Variants in MARCHF1 observed in about 807,000 individuals in gnomAD.
MARCHF1 encodes the protein E3 ubiquitin-protein ligase MARCHF1.
Under a neutral mutation model 54.2 loss-of-function variants are expected in MARCHF1, and 40 were observed. That is an observed-to-expected ratio of 0.74 (90% CI 0.57 to 0.96). The LOEUF is 0.96. MARCHF1 is among the 40% of genes least tolerant of loss of function. The probability of loss-of-function intolerance (pLI) is 0.00; values close to 1 mark genes in which losing one functional copy is unlikely to be tolerated. For synonymous variants in MARCHF1, 236 were observed against 236.3 expected, an observed-to-expected ratio of 1.00 and a Z score of 0.01; for missense variants, 586 against 656.5, an observed-to-expected ratio of 0.89 and a Z score of 1.17.
chr4:164,043,181 T>C (rs192077494), intron 2 of MARCHF1, among the ~76,000 whole-genome samples: 6 of 152,154 alleles, frequency 3.9e-5, no homozygotes, highest in Admixed American at 6.5e-5. Context: ...AGGGAGTCTG[T>C]ATGGGGGCTC....
rs1362982162 is a variant in MARCHF1 at position 164,338,162 on chromosome 4, A to C, written c.-323+45708T>G. On this transcript the variant is annotated intron_variant, in intron 1 of 9. Coordinates refer to ENST00000514618, the MANE Select transcript of MARCHF1 (RefSeq NM_001394959.1). ...AAAAGTGCAGTTTCATATGCAATTAAAATTCTGTTATCACCTAAAACTGTA... is the reference window on the plus strand; with the variant it reads ...AAAAGTGCAGTTTCATATGCAATTACAATTCTGTTATCACCTAAAACTGTA... Among the ~76,000 whole-genome samples, 11 of 152,346 alleles carry C rather than the reference A, an allele frequency of 7.2e-5. No individual in the cohort carries two copies. In the East Asian group the frequency reaches 2.1e-3, roughly 29 times the overall value.
intron 1 of MARCHF1, among the ~76,000 whole-genome samples, chr4:164,136,045 T>C (rs558152439): frequency 9.1e-4 from 139 of 152,086 alleles, no homozygotes; most frequent in Non-Finnish European, 1.8e-3. Flanking sequence ...AAGATACAGT[T>C]ATACACATAT....
chr4:163,832,191 G>A (rs1296740160), intron 4 of MARCHF1, among the ~76,000 whole-genome samples: 1 of 152,150 alleles, frequency 6.6e-6, no homozygotes, highest in Non-Finnish European at 1.5e-5. Context: ...TTCTAATTGG[G>A]GAAAACAGAC....
intron 1 of MARCHF1, among the ~76,000 whole-genome samples, chr4:164,157,955 G>C (rs1730121256): frequency 6.6e-6 from 1 of 152,060 alleles, no homozygotes; most frequent in African/African-American, 2.4e-5. Context: ...TTCCAGCGAT[G>C]GTTTTCCAAT....
chr4:163,539,001 T>TTTTATTTA (rs56805784), intron 9 of MARCHF1, among the ~76,000 whole-genome samples: 1,909 of 149,086 alleles, frequency 0.013, 37 homozygotes, highest in African/African-American at 0.041. Context: ...CTCCTGATGC[T>TTTTATTTA]TTTATTTATT....
Position 164,007,646 on chromosome 4 carries a change from CTGTGTGTGTGTGTGTGTGTG to C in MARCHF1, c.-247-18957_-247-18938del, listed in dbSNP as rs70948688. ...AGAATTTATTTCTCTCTCTCTCTCT[CTGTGTGTGTGTGTGTGTGTG>C]TGTGTGTGTGTGTGTGTGTGTGTTT... On this transcript the variant is annotated intron_variant, in intron 2 of 9. Transcript: ENST00000514618. Among the ~76,000 whole-genome samples the C allele has an allele frequency of 1.2e-3, 169 of 140,014 alleles. 1 individual carries two copies. The highest frequency in any genetic ancestry group is 2.2e-3 in the Non-Finnish European group (144 of 65,294). The allele number at this position is 140,014 out of a possible 152,430, so 91.9% of individuals were successfully genotyped here.
chr4:163,528,074 T>G lies in MARCHF1; in HGVS notation c.*674A>C, dbSNP rs1253586420. On this transcript the variant is annotated 3_prime_UTR_variant, in exon 10 of 10. Transcript: ENST00000514618. ...TTCTGTGGGTATTTAACAGAGCTAA[T>G]TATATCCGAACATTTTCTGAAAATC... 1 of 152,568 alleles carries G rather than the reference T, an allele frequency of 6.6e-6. No homozygotes were observed. Among genetic ancestry groups the G allele is most frequent in the Non-Finnish European group, 1.5e-5 (1 of 68,034 alleles). The allele number at this position is 152,568 out of a possible 1,614,324, so 9.5% of individuals were successfully genotyped here.
At chr4:164,324,049 A>AT (rs140196247) in intron 1 of MARCHF1, among the ~76,000 whole-genome samples, 2,583 of 152,010 alleles carry the variant, frequency 0.017, 66 homozygotes, top group African/African-American at 0.059. Flanking sequence ...AATTTTAATT[A>AT]TTTCAATGAA....
At chr4:163,821,109 A>G (rs1748680542) in intron 4 of MARCHF1, among the ~76,000 whole-genome samples, 1 of 151,962 alleles carries the variant, frequency 6.6e-6, no homozygotes, top group African/African-American at 2.4e-5. Flanking sequence ...CTAGGCTTTT[A>G]TACACACTTT....
chr4:164,295,112 T>C (rs557499863), intron 1 of MARCHF1, among the ~76,000 whole-genome samples: 6 of 152,050 alleles, frequency 3.9e-5, no homozygotes, highest in African/African-American at 1.4e-4. Context: ...TAAATGTGCT[T>C]TATACTAGGT....
intron 8 of MARCHF1, among the ~76,000 whole-genome samples, chr4:163,575,501 G>T (rs1740006263): frequency 6.6e-6 from 1 of 151,966 alleles, no homozygotes; most frequent in Admixed American, 6.6e-5. Context: ...CAGGGTTGCT[G>T]GGCTGTAGTT....
Position 163,699,838 on chromosome 4 carries a change from TA to T in MARCHF1, c.162+974del, listed in dbSNP as rs34893399. 7.8e-3 allele frequency among the ~76,000 whole-genome samples: 1,185 copies of T among 152,314 alleles called. 40 individuals are homozygous for T. Among genetic ancestry groups the T allele is most frequent in the East Asian group, 0.076 (394 of 5,178 alleles). ...GTATATATCACATGGCGACTCATTT[TA>T]AAGAATAGCTCTTACATTTTGTTTT... is the stretch of plus-strand genomic sequence containing the variant. On this transcript the variant is annotated intron_variant, in intron 5 of 9. Transcript: ENST00000514618.
chr4:163,623,079 T>C (rs1579122443), intron 5 of MARCHF1, among the ~76,000 whole-genome samples: 1 of 152,164 alleles, frequency 6.6e-6, no homozygotes, highest in Non-Finnish European at 1.5e-5. Context: ...TGGTTTGAAG[T>C]ACTAGCCCAT....
intron 2 of MARCHF1, among the ~76,000 whole-genome samples, chr4:164,087,129 C>T: frequency 6.6e-6 from 1 of 152,006 alleles, no homozygotes; most frequent in Middle Eastern, 3.2e-3. Context: ...GTCAATTCAA[C>T]CTACTGAATT....
chr4:163,707,635 C>A (rs770510787), intron 4 of MARCHF1, among the ~76,000 whole-genome samples: 7 of 151,722 alleles, frequency 4.6e-5, no homozygotes, highest in Admixed American at 2.0e-4. Flanking sequence ...TCTGCAATAT[C>A]ATTGAAAAAA....
intron 1 of MARCHF1, among the ~76,000 whole-genome samples, chr4:164,157,501 A>T (rs1425575863): frequency 6.6e-6 from 1 of 152,190 alleles, no homozygotes; most frequent in Admixed American, 6.5e-5. Flanking sequence ...ATAACAAAAC[A>T]CCACAAACTG....
In MARCHF1 at chr4:163,854,266, A is replaced by G. The variant is rs1428975941; in HGVS notation, c.-38-97T>C. Reference sequence around the variant, plus strand: ...AATTAAATCAACAATATAACAAAACACTAATTGAGACTTTTTTAAAAAAAC... The same window carrying G: ...AATTAAATCAACAATATAACAAAACGCTAATTGAGACTTTTTTAAAAAAAC... On this transcript the variant is annotated intron_variant, in intron 3 of 9. Transcript: ENST00000514618. The G allele has an allele frequency of 3.3e-6, 3 of 910,618 alleles. No homozygotes were observed. In the African/African-American group the frequency reaches 5.0e-5, roughly 15 times the overall value. The allele number at this position is 910,618 out of a possible 1,614,324, so 56.4% of individuals were successfully genotyped here. A position where few individuals can be genotyped will look rare whatever the true frequency, so the allele number is the denominator to read the frequency against.
At chr4:164,115,549 T>C (rs924709665) in intron 1 of MARCHF1, among the ~76,000 whole-genome samples, 2 of 152,034 alleles carry the variant, frequency 1.3e-5, no homozygotes, top group Admixed American at 6.6e-5. Flanking sequence ...ACTACAAACA[T>C]TGGCATCAAG....
intron 2 of MARCHF1, among the ~76,000 whole-genome samples, chr4:164,032,776 T>C (rs1251342588): frequency 1.3e-5 from 2 of 152,078 alleles, no homozygotes; most frequent in Non-Finnish European, 2.9e-5. Flanking sequence ...TTAGAGTAAG[T>C]GTCATGTGGC....
Sources: allele counts gnomAD v4.1 joint callset (sites outside exome capture counted in the v4.1 genomes callset), GRCh38; gene constraint gnomAD v4.1.1; transcripts MANE v1.5; gene names NCBI Gene and HGNC (gene_info 2026-07-23, HGNC 2026-07-21).